Variants in RIN2 observed in about 807,000 individuals in gnomAD.
RIN2 encodes the protein Ras and Rab interactor 2.
Under a neutral mutation model 78.0 loss-of-function variants are expected in RIN2, and 36 were observed. That is an observed-to-expected ratio of 0.46 (90% CI 0.35 to 0.61). RIN2 has a LOEUF of 0.61. RIN2 is among the 20% of genes least tolerant of loss of function. RIN2 has a pLI of 0.00. For synonymous variants in RIN2, 466 were observed against 466.8 expected (o/e 1.00, Z 0.02); for missense variants, 1,087 against 1,159.7 (o/e 0.94, Z 0.91).
intron 8 of RIN2, among the ~76,000 whole-genome samples, chr20:19,973,881 A>G (rs1019859061): frequency 6.6e-6 from 1 of 152,196 alleles, no homozygotes; most frequent in Non-Finnish European, 1.5e-5. Context: ...TACATGGAAC[A>G]CTGAGACTCA....
Position 19,974,734 on chromosome 20 carries a change from C to A in RIN2, c.709C>A (p.Pro237Thr). Residue 237 changes from proline (P) to threonine (T), a missense_variant, in exon 9 of 13, where the codon CCT becomes ACT. By Grantham distance (38) the Pro-to-Thr change is conservative. Around this residue, in one of 8 missense-constraint regions of RIN2, gnomAD observed 706 missense variants for 667.5 expected, o/e 1.06. Coordinates refer to ENST00000255006, the MANE Select transcript of RIN2 (RefSeq NM_018993.4). ...GCCTCTTTCCTCCGACGGTGTCTGT[C>A]CTGCCTCCCTGCGTCAGCTCTGCCT... ...HRPLSSDGVC[P>T]ASLRQLCLIN... 1 of 1,614,002 alleles carries A rather than the reference C, an allele frequency of 6.2e-7. No individual in the cohort carries two copies. The highest frequency in any genetic ancestry group is 8.5e-7 in the Non-Finnish European group (1 of 1,179,886).
chr20:19,910,201 A>G (rs987541910), intron 3 of RIN2, among the ~76,000 whole-genome samples: 7 of 151,840 alleles, frequency 4.6e-5, no homozygotes, highest in African/African-American at 1.7e-4. Flanking sequence ...TTTTGAGACA[A>G]GGTCTCACTC....
intron 3 of RIN2, among the ~76,000 whole-genome samples, chr20:19,891,869 T>A (rs897323959): frequency 6.6e-6 from 1 of 152,246 alleles, no homozygotes; most frequent in African/African-American, 2.4e-5. Flanking sequence ...TAAAGTTGCC[T>A]TTGAACATTT....
intron 2 of RIN2, among the ~76,000 whole-genome samples, chr20:19,857,570 G>A (rs1043852938): frequency 1.3e-5 from 2 of 152,096 alleles, no homozygotes; most frequent in African/African-American, 4.8e-5. Context: ...AAGGTAGTTG[G>A]ACCAATTTTT....
intron 4 of RIN2, among the ~76,000 whole-genome samples, chr20:19,939,645 G>T (rs932472009): frequency 1.1e-4 from 17 of 151,970 alleles, no homozygotes; most frequent in Non-Finnish European, 2.5e-4. Flanking sequence ...CCATCACTCA[G>T]CTCCAGTCCC....
intron 2 of RIN2, among the ~76,000 whole-genome samples, chr20:19,805,464 C>T (rs564697495): frequency 4.6e-5 from 7 of 152,222 alleles, no homozygotes; most frequent in Admixed American, 2.0e-4. Context: ...TGCAGTGGTG[C>T]GATCTCGGCT....
intron 2 of RIN2, among the ~76,000 whole-genome samples, chr20:19,811,280 G>A (rs1011143545): frequency 1.3e-5 from 2 of 152,068 alleles, no homozygotes; most frequent in South Asian, 2.1e-4. Context: ...GCTCAGTGGC[G>A]CTAGGAGCTC....
intron 4 of RIN2, among the ~76,000 whole-genome samples, chr20:19,937,588 G>A (rs78625593): frequency 2.1e-3 from 315 of 152,312 alleles, no homozygotes; most frequent in Non-Finnish European, 3.1e-3. Flanking sequence ...TTGCTCTTTC[G>A]TGCTTAATAT....
At chr20:19,789,547 A>G (rs1298943131) in intron 1 of RIN2, among the ~76,000 whole-genome samples, 1 of 152,050 alleles carries the variant, frequency 6.6e-6, no homozygotes, top group African/African-American at 2.4e-5. Flanking sequence ...TCTGTGGTTT[A>G]CTTACTTTCT....
chr20:19,791,364 TAAG>T (rs2034885029), intron 1 of RIN2, among the ~76,000 whole-genome samples: 2 of 152,232 alleles, frequency 1.3e-5, no homozygotes, highest in African/African-American at 4.8e-5. Flanking sequence ...CTTACATATT[TAAG>T]AAGACACCAA....
intron 9 of RIN2, among the ~76,000 whole-genome samples, chr20:19,984,055 A>G (rs2042550491): frequency 7.4e-6 from 1 of 134,860 alleles, no homozygotes; most frequent in Non-Finnish European, 1.5e-5. Flanking sequence ...ACAGGCCCCC[A>G]TGAAGCTGGA....
chr20:19,843,342 T>C lies in RIN2; in HGVS notation c.-37+43595T>C, dbSNP rs6046362. On this transcript the variant is annotated intron_variant, in intron 2 of 12. Transcript: ENST00000255006. ...TCACATGCTACAGAGAAATCTTTGA[T>C]GAAAAAAAGTCAATCAATGTGACAA... Among the ~76,000 whole-genome samples, 809 of 152,192 alleles carry C rather than the reference T, an allele frequency of 5.3e-3. 8 individuals carry two copies. The highest frequency in any genetic ancestry group is 0.019 in the African/African-American group (791 of 41,468).
In RIN2 at chr20:19,977,131, T is replaced by A. The variant is rs149926787; in HGVS notation, c.1762+1344T>A. Among the ~76,000 whole-genome samples the A allele has an allele frequency of 2.4e-4, 37 of 152,262 alleles. No homozygotes were observed. In the East Asian group the frequency reaches 7.2e-3, roughly 29 times the overall value. On this transcript the variant is annotated intron_variant, in intron 9 of 12. Coordinates refer to ENST00000255006, the MANE Select transcript of RIN2 (RefSeq NM_018993.4). Reference sequence around the variant, plus strand: ...ACCCGCTCTCAAGGGAGACCATATCTGACTCAGTATTAACAGAAACCCAAC... The same window carrying A: ...ACCCGCTCTCAAGGGAGACCATATCAGACTCAGTATTAACAGAAACCCAAC...
intron 2 of RIN2, among the ~76,000 whole-genome samples, chr20:19,859,406 A>G (rs1378814027): frequency 6.6e-6 from 1 of 152,206 alleles, no homozygotes; most frequent in Non-Finnish European, 1.5e-5. Context: ...CCGAAGATTG[A>G]CTAGAGGGTC....
At chr20:19,884,087 G>A (rs1461036143) in intron 2 of RIN2, among the ~76,000 whole-genome samples, 1 of 151,322 alleles carries the variant, frequency 6.6e-6, no homozygotes, top group Non-Finnish European at 1.5e-5. Context: ...TAGGCATACG[G>A]GCATGAGCCA....
At chr20:19,983,788 T>G (rs199596) in intron 9 of RIN2, among the ~76,000 whole-genome samples, 108,361 of 151,820 alleles carry the variant, frequency 0.71, 38,790 homozygotes, top group African/African-American at 0.79. Context: ...TAATGAACAT[T>G]GTAACCCAAT....
intron 4 of RIN2, among the ~76,000 whole-genome samples, chr20:19,954,172 C>A (rs1456448163): frequency 6.6e-6 from 1 of 152,194 alleles, no homozygotes; most frequent in African/African-American, 2.4e-5. Context: ...TTCAGTCCCA[C>A]CTCTTAGGAG....
chr20:19,957,612 G>A (rs1266945313), intron 5 of RIN2, among the ~76,000 whole-genome samples: 1 of 152,172 alleles, frequency 6.6e-6, no homozygotes, highest in Admixed American at 6.5e-5. Context: ...AGGAAGTGGA[G>A]GTTGCCATGA....
chr20:19,818,731 CA>C (rs1285476504), intron 2 of RIN2, among the ~76,000 whole-genome samples: 116 of 49,486 alleles, frequency 2.3e-3, no homozygotes, highest in East Asian at 9.8e-3. Context: ...GACTCCGTAT[CA>C]AAAAAAAAAA....
Sources: gnomAD v4.1 joint callset for allele counts (sites outside exome capture counted in the v4.1 genomes callset) on GRCh38, gnomAD v4.1.1 for gene constraint, gnomAD v4.1.1 regional missense constraint, MANE v1.5 for transcripts, NCBI Gene and HGNC (gene_info 2026-07-23, HGNC 2026-07-21) for gene names.